ANKRD30A: variants seen among roughly 807,000 people sequenced by gnomAD.
ANKRD30A encodes ankyrin repeat domain-containing protein 30A.
ANKRD30A carries 170 observed loss-of-function variants against 166.3 expected under a neutral mutation model. The ratio of observed to expected loss-of-function variants is 1.02; its 90% CI spans 0.90 to 1.16. ANKRD30A has a LOEUF of 1.16. ANKRD30A is among the 50% of genes most tolerant of loss of function. The probability of loss-of-function intolerance (pLI) is 0.00; values close to 1 mark genes in which losing one functional copy is unlikely to be tolerated. For missense variants in ANKRD30A, 1,630 were observed against 1,518.0 expected, an observed-to-expected ratio of 1.07 and a Z score of -1.23; for synonymous variants, 564 against 508.9, an observed-to-expected ratio of 1.11 and a Z score of -1.46.
chr10:37,258,888 G>A, the ANKRD30A span, among the ~76,000 whole-genome samples: 4 of 150,228 alleles, frequency 2.7e-5, 1 homozygote, highest in Non-Finnish European at 1.5e-5. Context: ...GCTTGAACTC[G>A]GGATGAGGAG....
the ANKRD30A span, among the ~76,000 whole-genome samples, chr10:37,265,374 G>T: frequency 6.6e-6 from 1 of 152,104 alleles, no homozygotes; most frequent in Admixed American, 6.6e-5. Context: ...CCCTGGGGTT[G>T]CCCGCAGCAT....
chr10:37,193,775 G>C (rs186337228), intron 27 of ANKRD30A, among the ~76,000 whole-genome samples: 95 of 152,080 alleles, frequency 6.2e-4, no homozygotes, highest in African/African-American at 2.1e-3. Flanking sequence ...GTCTAGACAC[G>C]GTGTTTTAGA....
At chr10:37,192,053 T>C (rs554132871) in intron 25 of ANKRD30A, among the ~76,000 whole-genome samples, 1 of 152,176 alleles carries the variant, frequency 6.6e-6, no homozygotes, top group South Asian at 2.1e-4. Flanking sequence ...TTTTCTTTTT[T>C]AGAGACAGAG....
intron 34 of ANKRD30A, among the ~76,000 whole-genome samples, chr10:37,220,668 T>C (rs1842859337): frequency 1.3e-5 from 2 of 151,234 alleles, no homozygotes; most frequent in South Asian, 4.1e-4. Flanking sequence ...AATTTGCTCA[T>C]AATTTCTATT....
the ANKRD30A span, among the ~76,000 whole-genome samples, chr10:37,243,801 T>A: frequency 1.8e-4 from 27 of 149,456 alleles, no homozygotes; most frequent in Non-Finnish European, 3.1e-4. Context: ...TTATATATAT[T>A]TTTTAAAGGT....
At chr10:37,177,965 T>G (rs1231077744) in intron 24 of ANKRD30A, among the ~76,000 whole-genome samples, 1 of 149,968 alleles carries the variant, frequency 6.7e-6, no homozygotes, top group Non-Finnish European at 1.5e-5. Context: ...ATTACTAGTT[T>G]AAATTCAAGA....
At chr10:37,205,106 C>T (rs1361621779) in intron 31 of ANKRD30A, among the ~76,000 whole-genome samples, 2 of 152,084 alleles carry the variant, frequency 1.3e-5, no homozygotes, top group South Asian at 2.1e-4. Context: ...TGGTTATATA[C>T]CCAAAGGATT....
At chr10:37,147,850 A>C (rs1035709081) in intron 9 of ANKRD30A, among the ~76,000 whole-genome samples, 1 of 152,218 alleles carries the variant, frequency 6.6e-6, no homozygotes, top group Non-Finnish European at 1.5e-5. Context: ...CATGCTTAGA[A>C]AGATGGCAAG....
At chr10:37,135,768 G>T (rs1300424286) in intron 5 of ANKRD30A, among the ~76,000 whole-genome samples, 3 of 151,872 alleles carry the variant, frequency 2.0e-5, no homozygotes, top group Non-Finnish European at 4.4e-5. Flanking sequence ...CAGTAATAGA[G>T]GATAATCAGG....
At chr10:37,160,654 A>G (rs760992053) in intron 15 of ANKRD30A, among the ~76,000 whole-genome samples, 2 of 152,294 alleles carry the variant, frequency 1.3e-5, no homozygotes, top group Non-Finnish European at 2.9e-5. Flanking sequence ...AATTTTGTTT[A>G]TAATGAAAAG....
At chr10:37,210,612 A>G (rs566155963) in intron 31 of ANKRD30A, among the ~76,000 whole-genome samples, 1 of 152,138 alleles carries the variant, frequency 6.6e-6, no homozygotes, top group Non-Finnish European at 1.5e-5. Flanking sequence ...ATTTCTCCAC[A>G]TCCTCTCCAG....
rs1298867671 is a variant in ANKRD30A at position 37,139,415 on chromosome 10, G to A, written c.821-2303G>A. On this transcript the variant is annotated intron_variant, in intron 6 of 35. Transcript: ENST00000361713. ...AAGCTTTGAGTCAACACACCCGTGG[G>A]TAATTAACCTGGTCATCCCCACCCT... Among the ~76,000 whole-genome samples, 4 of 152,182 alleles carry A rather than the reference G, an allele frequency of 2.6e-5. No homozygotes were observed. In the East Asian group the frequency reaches 5.8e-4, roughly 22 times the overall value.
In ANKRD30A at chr10:37,216,247, A is replaced by T; in HGVS notation, c.2936A>T (p.Lys979Ile). 5 of 1,608,470 alleles carry T rather than the reference A, an allele frequency of 3.1e-6. No individual in the cohort carries two copies. Among genetic ancestry groups the T allele is most frequent in the Non-Finnish European group, 4.3e-6 (5 of 1,176,116 alleles). Residue 979 changes from lysine to isoleucine, a missense_variant, in exon 32 of 36, where the codon AAA becomes ATA. Around this residue, in one of 4 missense-constraint regions of ANKRD30A, gnomAD observed 712 missense variants for 629.3 expected, o/e 1.13. Transcript: ENST00000361713. ...TGTGAAAGAGCAAGGGAACTTCAAA[A>T]AGATCACTGTGAACAACGTACAGGA... ...HSCERARELQ[K>I]DHCEQRTGKM...
intron 5 of ANKRD30A, among the ~76,000 whole-genome samples, chr10:37,135,802 T>C (rs1836647585): frequency 6.6e-6 from 1 of 152,220 alleles, no homozygotes; most frequent in Non-Finnish European, 1.5e-5. Context: ...TGAATTAATA[T>C]ATTTATAAAT....
intron 5 of ANKRD30A, among the ~76,000 whole-genome samples, chr10:37,134,932 C>G (rs1367519556): frequency 6.6e-6 from 1 of 152,140 alleles, no homozygotes; most frequent in Admixed American, 6.5e-5. Context: ...ACTTTATATC[C>G]TGTGTAGTGC....
At chr10:37,171,900 C>A (rs1245598147) in intron 21 of ANKRD30A, among the ~76,000 whole-genome samples, 2 of 144,404 alleles carry the variant, frequency 1.4e-5, no homozygotes, top group Non-Finnish European at 3.1e-5. Flanking sequence ...AAATTCTCCA[C>A]GGCTTCACAT....
At chr10:37,193,998 C>A (rs562392069) in intron 27 of ANKRD30A, among the ~76,000 whole-genome samples, 1 of 152,090 alleles carries the variant, frequency 6.6e-6, no homozygotes, top group Non-Finnish European at 1.5e-5. Flanking sequence ...AGTCCCAGAC[C>A]AGCCTGGTCA....
chr10:37,247,632 G>A, the ANKRD30A span, among the ~76,000 whole-genome samples: 2 of 151,742 alleles, frequency 1.3e-5, no homozygotes, highest in Admixed American at 6.6e-5. Context: ...AACACTTTGG[G>A]AGGCCGAGGC....
chr10:37,155,006 G>T lies in ANKRD30A; in HGVS notation c.1798+1344G>T, dbSNP rs190428473. ...TAAGAACCTTGGCTTTATTTTTAAGGAAGCAAATTGTGTTGGTAAAATTGC... is the reference window on the plus strand; with the variant it reads ...TAAGAACCTTGGCTTTATTTTTAAGTAAGCAAATTGTGTTGGTAAAATTGC... On this transcript the variant is annotated intron_variant, in intron 13 of 35. Coordinates refer to ENST00000361713, the MANE Select transcript of ANKRD30A (RefSeq NM_052997.3). Among the ~76,000 whole-genome samples the T allele has an allele frequency of 7.2e-4, 109 of 152,106 alleles. 1 individual carries two copies. The East Asian group carries it at 0.015, about 22-fold the overall frequency.
Sources: gnomAD v4.1 joint callset for allele counts (sites outside exome capture counted in the v4.1 genomes callset) on GRCh38, gnomAD v4.1.1 for gene constraint, gnomAD v4.1.1 regional missense constraint, MANE v1.5 for transcripts, NCBI Gene and HGNC (gene_info 2026-07-23, HGNC 2026-07-21) for gene names.